ATP2A2: variants seen among roughly 807,000 people sequenced by gnomAD.
The protein encoded by ATP2A2 is sarcoplasmic/endoplasmic reticulum calcium ATPase 2.
Under a neutral mutation model 109.3 loss-of-function variants are expected in ATP2A2, and 14 were observed. The ratio of observed to expected loss-of-function variants is 0.13; its 90% CI spans 0.08 to 0.20. The LOEUF (loss-of-function observed/expected upper bound fraction) is 0.20, where lower values mean the gene tolerates loss of function less well. ATP2A2 is among the 10% of genes least tolerant of loss of function. The probability of loss-of-function intolerance (pLI) is 1.00; values close to 1 mark genes in which losing one functional copy is unlikely to be tolerated. For synonymous variants in ATP2A2, 506 were observed against 490.9 expected, an observed-to-expected ratio of 1.03 and a Z score of -0.41; for missense variants, 657 against 1,321.6, an observed-to-expected ratio of 0.50 and a Z score of 7.80.
intron 5 of ATP2A2, among the ~76,000 whole-genome samples, chr12:110,318,015 C>A (rs1249152013): frequency 2.0e-5 from 3 of 152,176 alleles, no homozygotes; most frequent in Non-Finnish European, 4.4e-5. Flanking sequence ...GAAAAAATTG[C>A]AGAGCATCCC....
At chr12:110,297,942 G>A (rs1300431589) in intron 5 of ATP2A2, among the ~76,000 whole-genome samples, 1 of 151,902 alleles carries the variant, frequency 6.6e-6, no homozygotes, top group Non-Finnish European at 1.5e-5. Flanking sequence ...AACACCCCTG[G>A]GACCAACCAG....
Position 110,347,850 on chromosome 12 carries a change from G to A in ATP2A2, c.*1380G>A, listed in dbSNP as rs894811755. On this transcript the variant is annotated 3_prime_UTR_variant, in exon 20 of 20. Coordinates refer to ENST00000539276, the MANE Select transcript of ATP2A2 (RefSeq NM_170665.4). ...AGCCTAAAGGTGACTGCCACCAAGTGAGATAACTGTATGTCACTAACTTAT... is the reference window on the plus strand; with the variant it reads ...AGCCTAAAGGTGACTGCCACCAAGTAAGATAACTGTATGTCACTAACTTAT... The A allele has an allele frequency of 3.0e-5, 31 of 1,018,022 alleles. No individual in the cohort carries two copies. Among genetic ancestry groups the A allele is most frequent in the Non-Finnish European group, 3.6e-5 (31 of 849,684 alleles). The allele number at this position is 1,018,022 out of a possible 1,614,324, so 63.1% of individuals were successfully genotyped here.
chr12:110,288,801 A>G (rs1872949461), intron 3 of ATP2A2, among the ~76,000 whole-genome samples: 1 of 152,212 alleles, frequency 6.6e-6, no homozygotes, highest in African/African-American at 2.4e-5. Context: ...ACTTCTGGCA[A>G]ACCATAATTA....
intron 16 of ATP2A2, 100 bp from the exon 17 acceptor site, chr12:110,344,786 T>C (rs1226535311): frequency 2.6e-6 from 3 of 1,166,602 alleles, no homozygotes; most frequent in African/African-American, 1.5e-5. Flanking sequence ...CACTGTCCCA[T>C]GTCTTTGATC....
intron 8 of ATP2A2, 153 bp from the exon 9 acceptor site, chr12:110,332,444 T>C (rs1212115113): frequency 1.4e-6 from 1 of 721,460 alleles, no homozygotes; most frequent in African/African-American, 1.7e-5. Context: ...ACAGTACTGC[T>C]GATGCTGAGT....
At chr12:110,290,227 G>A (rs2137696714) in intron 3 of ATP2A2, among the ~76,000 whole-genome samples, 1 of 152,280 alleles carries the variant, frequency 6.6e-6, no homozygotes, top group South Asian at 2.1e-4. Context: ...AGAGATGAGG[G>A]TCTCGCTATG....
chr12:110,294,138 G>T (rs1873701458), intron 4 of ATP2A2, among the ~76,000 whole-genome samples: 1 of 151,722 alleles, frequency 6.6e-6, no homozygotes, highest in African/African-American at 2.4e-5. Flanking sequence ...CCGCCTCCCG[G>T]GCTCACGCCA....
chr12:110,311,561 A>G (rs1005843884), intron 5 of ATP2A2, among the ~76,000 whole-genome samples: 2 of 126,682 alleles, frequency 1.6e-5, no homozygotes, highest in Non-Finnish European at 3.1e-5. Flanking sequence ...GCGCCACTGC[A>G]CTCCAGCCTG....
intron 3 of ATP2A2, among the ~76,000 whole-genome samples, chr12:110,289,755 C>T (rs887997875): frequency 6.6e-6 from 1 of 151,922 alleles, no homozygotes; most frequent in Non-Finnish European, 1.5e-5. Flanking sequence ...AAAATTCGAC[C>T]TCCAAGATTA....
intron 5 of ATP2A2, among the ~76,000 whole-genome samples, chr12:110,298,348 A>G (rs1424069581): frequency 6.6e-6 from 1 of 150,644 alleles, no homozygotes; most frequent in Non-Finnish European, 1.5e-5. Context: ...TGTGTAAATG[A>G]TTTAACAGCT....
intron 6 of ATP2A2, among the ~76,000 whole-genome samples, chr12:110,324,458 G>C (rs941713494): frequency 6.6e-6 from 1 of 151,916 alleles, no homozygotes; most frequent in Non-Finnish European, 1.5e-5. Context: ...GTCTCGCTCT[G>C]TTGCCCAGGC....
rs779818256 is a variant in ATP2A2, at chr12:110,282,544, CTCTT to C, written c.119-58_119-55del. ...AAAAACGAAGTGCTAAAATGTCTCT[CTCTT>C]TTTTTTTTTAACCTCCCTCTTGACA... On this transcript the variant is annotated intron_variant, in intron 1 of 19. Transcript: ENST00000539276. The C allele has an allele frequency of 3.0e-4, 475 of 1,583,658 alleles. 2 individuals are homozygous for C. Among genetic ancestry groups the C allele is most frequent in the Middle Eastern group, 1.0e-3 (6 of 6,000 alleles).
intron 5 of ATP2A2, among the ~76,000 whole-genome samples, chr12:110,315,808 G>T (rs564453443): frequency 6.6e-6 from 1 of 152,340 alleles, no homozygotes; most frequent in South Asian, 2.1e-4. Flanking sequence ...GGCCGCATCG[G>T]CACACGCCTG....
chr12:110,345,930 A>G (rs1296950375), intron 18 of ATP2A2, 71 bp from the exon 19 acceptor site: 7 of 1,448,778 alleles, frequency 4.8e-6, no homozygotes, highest in Non-Finnish European at 6.8e-6. Flanking sequence ...GTAGTCCAAC[A>G]GGGTCTTACT....
chr12:110,293,207 C>A (rs1873510793), intron 4 of ATP2A2, among the ~76,000 whole-genome samples: 1 of 151,774 alleles, frequency 6.6e-6, no homozygotes. Flanking sequence ...CCTTGAGTAG[C>A]TGGGATTACA....
intron 3 of ATP2A2, among the ~76,000 whole-genome samples, chr12:110,283,698 G>A (rs3026437): frequency 3.2e-4 from 49 of 152,144 alleles, no homozygotes; most frequent in African/African-American, 1.2e-3. Flanking sequence ...CTTGAATTAC[G>A]TTATTCTTAC....
chr12:110,303,344 C>T (rs1008970510), intron 5 of ATP2A2, among the ~76,000 whole-genome samples: 1 of 152,112 alleles, frequency 6.6e-6, no homozygotes, highest in African/African-American at 2.4e-5. Context: ...TCTCCTGCTT[C>T]AGTCTCCCGA....
chr12:110,343,084 T>C (rs1039784461), intron 15 of ATP2A2, 148 bp from the exon 16 acceptor site: 16 of 862,566 alleles, frequency 1.9e-5, no homozygotes, highest in Non-Finnish European at 2.8e-5. Context: ...AATTGAGCTT[T>C]AATTCAAAAT....
At chr12:110,283,164 TTTGTAGTCTG>T (rs1296336043) in intron 3 of ATP2A2, among the ~76,000 whole-genome samples, 1 of 152,242 alleles carries the variant, frequency 6.6e-6, no homozygotes, top group African/African-American at 2.4e-5. Flanking sequence ...TGTTGGACTC[TTTGTAGTCTG>T]TAAATAGAAC....
Sources: allele counts gnomAD v4.1 joint callset (sites outside exome capture counted in the v4.1 genomes callset), GRCh38; gene constraint gnomAD v4.1.1; transcripts MANE v1.5; gene names NCBI Gene and HGNC (gene_info 2026-07-23, HGNC 2026-07-21).